Variants in AFAP1L2 observed in about 807,000 individuals in gnomAD.
AFAP1L2 encodes the protein actin filament-associated protein 1-like 2.
AFAP1L2 carries 46 observed loss-of-function variants against 99.3 expected under a neutral mutation model. The observed-to-expected ratio is 0.46, with a 90% confidence interval of 0.37 to 0.59. AFAP1L2 has a LOEUF of 0.59. AFAP1L2 is among the 20% of genes least tolerant of loss of function. The probability of loss-of-function intolerance (pLI) is 0.00; values close to 1 mark genes in which losing one functional copy is unlikely to be tolerated. For missense variants in AFAP1L2, 959 were observed against 1,034.9 expected (o/e 0.93, Z 1.01); for synonymous variants, 397 against 419.1 (o/e 0.95, Z 0.64).
chr10:114,282,385 A>G, the AFAP1L2 span: 13 of 733,302 alleles, frequency 1.8e-5, no homozygotes. Flanking sequence ...ATCAAGAAAC[A>G]AAACCAGGAA....
At chr10:114,339,935 T>C (rs1168325731) in intron 2 of AFAP1L2, among the ~76,000 whole-genome samples, 4 of 145,866 alleles carry the variant, frequency 2.7e-5, no homozygotes, top group Non-Finnish European at 6.0e-5. Context: ...CGCTTGAACC[T>C]GGGAGGTGGA....
intron 7 of AFAP1L2, among the ~76,000 whole-genome samples, chr10:114,312,212 G>A (rs947194421): frequency 5.9e-5 from 9 of 151,818 alleles, no homozygotes; most frequent in South Asian, 2.1e-4. Flanking sequence ...GGAACAGAGC[G>A]GGGAACTGGG....
At chr10:114,287,478 C>T in the AFAP1L2 span, among the ~76,000 whole-genome samples, 325 of 152,246 alleles carry the variant, frequency 2.1e-3, no homozygotes, top group African/African-American at 7.3e-3. Context: ...AAATGTAAGC[C>T]TTTATAGGGC....
chr10:114,352,238 A>G (rs1453742457), intron 1 of AFAP1L2, among the ~76,000 whole-genome samples: 2 of 152,204 alleles, frequency 1.3e-5, no homozygotes, highest in East Asian at 1.9e-4. Context: ...TTGGGCGGCC[A>G]AGGAAGGCAG....
intron 4 of AFAP1L2, among the ~76,000 whole-genome samples, chr10:114,326,654 G>A (rs1285410933): frequency 6.6e-6 from 1 of 152,124 alleles, no homozygotes; most frequent in Non-Finnish European, 1.5e-5. Flanking sequence ...AGACAGTGCA[G>A]GGCAGGAGTG....
rs1345341654 is a variant in AFAP1L2 at position 114,308,415 on chromosome 10, C to A, written c.967+18G>T. ...CACAGCCTGGGACACCATTCCCCTC[C>A]CAACCACATGATGTTACCGTCTTTG... is the stretch of plus-strand genomic sequence containing the variant. On this transcript the variant is annotated intron_variant, in intron 9 of 18. Coordinates refer to ENST00000304129, the MANE Select transcript of AFAP1L2 (RefSeq NM_001001936.3). 5 of 1,609,616 alleles carry A rather than the reference C, an allele frequency of 3.1e-6. No homozygotes were observed. Among genetic ancestry groups the A allele is most frequent in the Admixed American group, 1.7e-5 (1 of 59,986 alleles).
At chr10:114,312,232 A>G (rs2043354780) in intron 7 of AFAP1L2, among the ~76,000 whole-genome samples, 1 of 131,876 alleles carries the variant, frequency 7.6e-6, no homozygotes, top group African/African-American at 3.2e-5. Flanking sequence ...GGGCAAGAGC[A>G]GAGTGTGTGT....
At chr10:114,309,200 C>G (rs1287118553) in intron 8 of AFAP1L2, among the ~76,000 whole-genome samples, 1 of 152,244 alleles carries the variant, frequency 6.6e-6, no homozygotes, top group Non-Finnish European at 1.5e-5. Context: ...CCAGGGCCAG[C>G]AGTCCCTGGC....
intron 1 of AFAP1L2, among the ~76,000 whole-genome samples, chr10:114,361,036 G>A (rs535586605): frequency 4.7e-4 from 72 of 152,310 alleles, no homozygotes; most frequent in African/African-American, 1.7e-3. Flanking sequence ...AATCATGGTG[G>A]AAGGTGAAAA....
rs752318393 is a variant in AFAP1L2, at chr10:114,297,398, G to T, written c.2129C>A (p.Ala710Glu). Residue 710 changes from alanine to glutamate, a missense_variant, in exon 17 of 19, where the codon GCG (alanine) becomes GAG (glutamate). By Grantham distance (107) the Ala-to-Glu change is moderately radical. Around this residue, in one of 2 missense-constraint regions of AFAP1L2, gnomAD observed 576 missense variants for 562.1 expected, o/e 1.02. Transcript: ENST00000304129. ...TTCCTTCAGCTTCTGCTCCAGGCTC[G>T]CCAGGACTTCCTTGTCTGGAGAGAG... ...LLKCTDKEVL[A>E]SLEQKLKEID... 19 of 1,612,684 alleles carry T rather than the reference G, an allele frequency of 1.2e-5. No individual in the cohort carries two copies. The East Asian group carries it at 2.9e-4, about 25-fold the overall frequency.
chr10:114,303,943 T>A (rs1342104503), intron 11 of AFAP1L2, among the ~76,000 whole-genome samples: 1 of 152,212 alleles, frequency 6.6e-6, no homozygotes, highest in African/African-American at 2.4e-5. Flanking sequence ...ATTTGCTGAA[T>A]AACATCACAC....
At chr10:114,312,531 T>A (rs943910525) in intron 7 of AFAP1L2, among the ~76,000 whole-genome samples, 2 of 151,974 alleles carry the variant, frequency 1.3e-5, no homozygotes, top group Admixed American at 1.3e-4. Flanking sequence ...TCAGTGGTCT[T>A]ATCTGTACTA....
intron 5 of AFAP1L2, among the ~76,000 whole-genome samples, chr10:114,319,943 T>C (rs951381765): frequency 6.6e-6 from 1 of 152,280 alleles, no homozygotes; most frequent in East Asian, 1.9e-4. Flanking sequence ...CTGGTGCTGT[T>C]AAGAAGCAGA....
intron 4 of AFAP1L2, among the ~76,000 whole-genome samples, chr10:114,328,048 T>C (rs1036711746): frequency 6.6e-6 from 1 of 152,170 alleles, no homozygotes; most frequent in Non-Finnish European, 1.5e-5. Flanking sequence ...GAGATGGCCA[T>C]GCTAGCCAGA....
chr10:114,346,636 C>T (rs1564937409), intron 1 of AFAP1L2, among the ~76,000 whole-genome samples: 1 of 152,214 alleles, frequency 6.6e-6, no homozygotes, highest in Non-Finnish European at 1.5e-5. Flanking sequence ...CCCCCACCAT[C>T]CCCCACACTT....
intron 1 of AFAP1L2, chr10:114,363,033 A>G (rs1479779525): frequency 1.0e-6 from 1 of 985,262 alleles, no homozygotes; most frequent in Non-Finnish European, 1.2e-6. Context: ...CCCACCAGAG[A>G]GGACTGTGCC....
chr10:114,349,939 C>T (rs934735803), intron 1 of AFAP1L2, among the ~76,000 whole-genome samples: 1 of 152,168 alleles, frequency 6.6e-6, no homozygotes, highest in African/African-American at 2.4e-5. Flanking sequence ...TGAGTCTCAT[C>T]ACTTAAAACA....
At chr10:114,354,776 G>A (rs919305893) in intron 1 of AFAP1L2, among the ~76,000 whole-genome samples, 22 of 152,336 alleles carry the variant, frequency 1.4e-4, no homozygotes, top group African/African-American at 4.8e-4. Context: ...ACTAGAGAAA[G>A]AGACAAAGCC....
chr10:114,390,538 T>C (rs1049255971), intron 1 of AFAP1L2, among the ~76,000 whole-genome samples: 1 of 151,990 alleles, frequency 6.6e-6, no homozygotes, highest in African/African-American at 2.4e-5. Context: ...CTGACCAACA[T>C]GGTGAAACCC....
Sources: gnomAD v4.1 joint callset for allele counts (sites outside exome capture counted in the v4.1 genomes callset) on GRCh38, gnomAD v4.1.1 for gene constraint, gnomAD v4.1.1 regional missense constraint, MANE v1.5 for transcripts, NCBI Gene and HGNC (gene_info 2026-07-23, HGNC 2026-07-21) for gene names.